PDE6C: variants seen among roughly 807,000 people sequenced by gnomAD.
PDE6C encodes phosphodiesterase 6C.
A neutral mutation model predicts 113.1 loss-of-function variants in PDE6C; 75 were observed. That is an observed-to-expected ratio of 0.66 (90% CI 0.55 to 0.80). The LOEUF is 0.80. Among genes scored for constraint, PDE6C ranks in the 30% least tolerant of loss-of-function variants. The probability of loss-of-function intolerance (pLI) is 0.00; values close to 1 mark genes in which losing one functional copy is unlikely to be tolerated. For synonymous variants in PDE6C, 375 were observed against 363.7 expected (o/e 1.03, Z -0.35); for missense variants, 912 against 1,038.6 (o/e 0.88, Z 1.67).
In PDE6C at chr10:93,659,009, G is replaced by A; in HGVS notation, c.2144+1G>A. The A allele has an allele frequency of 1.3e-6, 2 of 1,578,444 alleles. No homozygotes were observed. Among genetic ancestry groups the A allele is most frequent in the African/African-American group, 1.3e-5 (1 of 74,290 alleles). ...ATCCAACCAAGAAAGAGATTATCAT[G>A]TAGGTAGTTGAAATTGTATTTCTCT... On this transcript the variant is annotated splice_donor_variant, in intron 17 of 21. Transcript: ENST00000371447. LOFTEE classifies it high-confidence loss of function.
rs932631934 is a variant in PDE6C, at chr10:93,640,395, C to T, written c.1630-55C>T. On this transcript the variant is annotated intron_variant, in intron 12 of 21. Transcript: ENST00000371447. The stretch of plus-strand genomic sequence containing the variant: ...TCTTTTTAGATAAGATTGCCACAGA[C>T]CTTCTAACCTTTAGAATTCTATTCC... 12 of 1,396,242 alleles carry T rather than the reference C, an allele frequency of 8.6e-6. No individual in the cohort carries two copies. In the African/African-American group the frequency reaches 1.7e-4, roughly 20 times the overall value. 86.5% of individuals were successfully genotyped at this position (1,396,242 alleles called of 1,614,324 possible).
intron 1 of PDE6C, among the ~76,000 whole-genome samples, chr10:93,619,853 C>T (rs905844368): frequency 1.3e-5 from 2 of 152,106 alleles, no homozygotes; most frequent in African/African-American, 4.8e-5. Flanking sequence ...AGGATTAGTG[C>T]AGTATTGTTG....
At chr10:93,655,633 G>GAAAAAAAAAAAAAAAAAAAAA in intron 15 of PDE6C, 127 bp from the exon 16 acceptor site, 2 of 539,294 alleles carry the variant, frequency 3.7e-6, no homozygotes, top group Non-Finnish European at 6.7e-6. Flanking sequence ...AAAAAAGGAA[G>GAAAAAAAAAAAAAAAAAAAAA]GAAAACAAAA....
At chr10:93,615,773 G>A (rs1483496802) in intron 1 of PDE6C, among the ~76,000 whole-genome samples, 1 of 152,208 alleles carries the variant, frequency 6.6e-6, no homozygotes. Flanking sequence ...GCAGATACAG[G>A]AGGAGGAAGT....
intron 15 of PDE6C, among the ~76,000 whole-genome samples, chr10:93,652,631 GTTGTT>G (rs2058614416): frequency 1.3e-5 from 2 of 152,098 alleles, no homozygotes; most frequent in Admixed American, 6.5e-5. Flanking sequence ...CTTTAATACA[GTTGTT>G]TTATTATTTT....
intron 10 of PDE6C, 140 bp downstream of exon 10, chr10:93,635,780 G>A: frequency 3.4e-6 from 3 of 895,142 alleles, no homozygotes; most frequent in Non-Finnish European, 5.4e-6. Flanking sequence ...GGAGGGGTTG[G>A]AAGAAGACAT....
intron 21 of PDE6C, among the ~76,000 whole-genome samples, chr10:93,664,118 A>G (rs1449472616): frequency 6.6e-6 from 1 of 152,210 alleles, no homozygotes; most frequent in Non-Finnish European, 1.5e-5. Flanking sequence ...TCTTCTCTGT[A>G]TAAAGCCCGG....
intron 10 of PDE6C, among the ~76,000 whole-genome samples, chr10:93,636,748 A>G (rs979847193): frequency 3.3e-5 from 5 of 152,004 alleles, no homozygotes; most frequent in African/African-American, 1.2e-4. Flanking sequence ...TTGCCATGGA[A>G]CTCATTGTAG....
At chr10:93,644,874 A>ATATAGTATATTTATATAG (rs1564802406) in intron 14 of PDE6C, among the ~76,000 whole-genome samples, 73 of 107,804 alleles carry the variant, frequency 6.8e-4, no homozygotes, top group African/African-American at 2.1e-3. Context: ...TATAGTACAT[A>ATATAGTATATTTATATAG]TACAGTATAT....
chr10:93,634,642 TG>T, intron 8 of PDE6C, 115 bp from the exon 9 acceptor site: 1 of 1,031,232 alleles, frequency 9.7e-7, no homozygotes, highest in Non-Finnish European at 1.5e-6. Flanking sequence ...TGTGTGAAAC[TG>T]GGTGAAGGGT....
Position 93,665,532 on chromosome 10 carries a change from C to G in PDE6C, c.*114C>G. 1 of 761,240 alleles carries G rather than the reference C, an allele frequency of 1.3e-6. No homozygotes were observed. Among genetic ancestry groups the G allele is most frequent in the Non-Finnish European group, 2.3e-6 (1 of 435,372 alleles). The allele number at this position is 761,240 out of a possible 1,614,324, so 47.2% of individuals were successfully genotyped here. On this transcript the variant is annotated 3_prime_UTR_variant, in exon 22 of 22. Transcript: ENST00000371447. ...TAACAGGATCTTCAGAAAAACTACC[C>G]TGTGACTATGAAGAAAATATATATT... is the stretch of plus-strand genomic sequence containing the variant.
chr10:93,622,063 C>T lies in PDE6C; in HGVS notation c.855C>T (p.Thr285=). ...ACTCCATTGGACTGCTGGACATGAC[C>T]AAGGAGAAGGTTCTTATTATTCTAC... ...ERYSIGLLDM[T]KEKEFYDEWP... is the part of the protein sequence containing the mutation. The change falls in exon 4 of 22, where the codon ACC becomes ACT. Residue 285 remains threonine (T), a synonymous_variant. Transcript: ENST00000371447. 6.2e-7 allele frequency: 1 copy of T among 1,613,840 alleles called. No homozygotes were observed. The highest frequency in any genetic ancestry group is 8.5e-7 in the Non-Finnish European group (1 of 1,179,918).
intron 15 of PDE6C, among the ~76,000 whole-genome samples, chr10:93,648,851 C>T (rs1024841318): frequency 2.6e-5 from 4 of 152,152 alleles, no homozygotes; most frequent in South Asian, 4.1e-4. Flanking sequence ...CTTTCCAAAG[C>T]GTATGATAAT....
At chr10:93,614,055 G>A (rs2058408154) in intron 1 of PDE6C, among the ~76,000 whole-genome samples, 1 of 152,184 alleles carries the variant, frequency 6.6e-6, no homozygotes, top group Admixed American at 6.5e-5. Context: ...CCTCCCCTCA[G>A]CAATAATCAA....
At chr10:93,662,990 T>C (rs1198364150) in intron 20 of PDE6C, 38 bp from the exon 21 acceptor site, 1 of 1,562,984 alleles carries the variant, frequency 6.4e-7, no homozygotes, top group Non-Finnish European at 8.8e-7. Context: ...AAATTAACTG[T>C]ATGATTTATG....
rs71031524 is a variant in PDE6C, at chr10:93,627,258, C to CAAGAAAAAAAA, written c.1071+389_1071+390insGAAAAAAAAAA. Among the ~76,000 whole-genome samples the CAAGAAAAAAAA allele has an allele frequency of 6.3e-4, 33 of 52,586 alleles. 6 individuals are homozygous for CAAGAAAAAAAA. Among genetic ancestry groups the CAAGAAAAAAAA allele is most frequent in the African/African-American group, 1.9e-3 (30 of 15,888 alleles). The allele number at this position is 52,586 out of a possible 152,430, so 34.5% of individuals were successfully genotyped here. A position where few individuals can be genotyped will look rare whatever the true frequency, so the allele number is the denominator to read the frequency against. On this transcript the variant is annotated intron_variant, in intron 7 of 21. Transcript: ENST00000371447. ...GCCTGGGCAACAAAGTGAAACTCCA[C>CAAGAAAAAAAA]AAAAAAAAAAAAAAAAAAAAAAAAG...
At chr10:93,649,027 C>G (rs1483562270) in intron 15 of PDE6C, among the ~76,000 whole-genome samples, 1 of 152,170 alleles carries the variant, frequency 6.6e-6, no homozygotes, top group Non-Finnish European at 1.5e-5. Flanking sequence ...CTAGAACGGC[C>G]TGTACTTTCC....
chr10:93,635,478 C>T lies in PDE6C; in HGVS notation c.1270-19C>T, dbSNP rs1454807993. ...TTCTTTCACTGAAGAGAATTAGAAT[C>T]ACCTTTTATCCATTTCAGACTCTCA... is the stretch of plus-strand genomic sequence containing the variant. On this transcript the variant is annotated intron_variant, in intron 9 of 21. Coordinates refer to ENST00000371447, the MANE Select transcript of PDE6C (RefSeq NM_006204.4). 1.2e-6 allele frequency: 2 copies of T among 1,604,480 alleles called. No individual in the cohort carries two copies. The highest frequency in any genetic ancestry group is 3.3e-5 in the Admixed American group (2 of 59,974).
chr10:93,620,569 T>A (rs1589692980), intron 1 of PDE6C, 63 bp from the exon 2 acceptor site: 1 of 1,501,622 alleles, frequency 6.7e-7, no homozygotes, highest in African/African-American at 1.4e-5. Flanking sequence ...TCTGTCATCA[T>A]CCCTAGATCT....
Sources: gnomAD v4.1 joint callset for allele counts (sites outside exome capture counted in the v4.1 genomes callset) on GRCh38, gnomAD v4.1.1 for gene constraint, MANE v1.5 for transcripts, NCBI Gene and HGNC (gene_info 2026-07-23, HGNC 2026-07-21) for gene names.